DNAH5: variants seen among roughly 807,000 people sequenced by gnomAD.
DNAH5 encodes the protein axonemal beta dynein heavy chain 5.
Under a neutral mutation model 518.2 loss-of-function variants are expected in DNAH5, and 372 were observed. That is an observed-to-expected ratio of 0.72 (90% CI 0.66 to 0.78). The LOEUF (loss-of-function observed/expected upper bound fraction) is 0.78, where lower values mean the gene tolerates loss of function less well. DNAH5 is among the 30% of genes least tolerant of loss of function. The pLI, the probability that DNAH5 is intolerant of heterozygous loss-of-function variation, is 0.00. For missense variants in DNAH5, 5,523 were observed against 5,687.0 expected, an observed-to-expected ratio of 0.97 and a Z score of 0.93; for synonymous variants, 2,039 against 2,025.9, an observed-to-expected ratio of 1.01 and a Z score of -0.17.
intron 24 of DNAH5, among the ~76,000 whole-genome samples, chr5:13,869,238 G>A (rs1343899548): frequency 1.3e-5 from 2 of 152,052 alleles, no homozygotes; most frequent in African/African-American, 4.8e-5. Context: ...GAAAATGGGA[G>A]AATAGAGTCT....
chr5:13,965,176 C>T (rs115059393), intron 1 of DNAH5, among the ~76,000 whole-genome samples: 2,757 of 152,182 alleles, frequency 0.018, 79 homozygotes, highest in African/African-American at 0.061. Flanking sequence ...GAATGAGCCC[C>T]TCAAGTGTTT....
At chr5:13,772,249 G>A (rs1021014541) in intron 55 of DNAH5, among the ~76,000 whole-genome samples, 2 of 152,210 alleles carry the variant, frequency 1.3e-5, no homozygotes, top group Non-Finnish European at 2.9e-5. Flanking sequence ...TCTCGGGGAA[G>A]TGCCCGCTTT....
intron 51 of DNAH5, among the ~76,000 whole-genome samples, chr5:13,786,583 T>C (rs911863411): frequency 8.5e-5 from 13 of 152,194 alleles, no homozygotes; most frequent in Admixed American, 8.5e-4. Context: ...TTTCAAATAA[T>C]ATTATCGTCA....
chr5:13,699,538 G>T (rs1394942392), intron 78 of DNAH5, among the ~76,000 whole-genome samples: 1 of 152,096 alleles, frequency 6.6e-6, no homozygotes. Flanking sequence ...ACATGGTGAA[G>T]CCCTGTCTCT....
chr5:13,769,430 T>C lies in DNAH5; in HGVS notation c.9720+71A>G, dbSNP rs866153879. 106 of 1,204,250 alleles carry C rather than the reference T, an allele frequency of 8.8e-5. No homozygotes were observed. The Middle Eastern group carries it at 1.1e-3, about 13-fold the overall frequency. 74.6% of individuals were successfully genotyped at this position (1,204,250 alleles called of 1,614,324 possible). ...CTTCACTAGTTATAGCCAGTGAATA[T>C]GCATAGATCATTAACACTTGTGAAC... On this transcript the variant is annotated intron_variant, in intron 57 of 78. Transcript: ENST00000265104.
chr5:13,874,241 C>G (rs1770546999), intron 22 of DNAH5, among the ~76,000 whole-genome samples: 5 of 152,280 alleles, frequency 3.3e-5, no homozygotes, highest in Admixed American at 3.3e-4. Flanking sequence ...GAATTAATTA[C>G]AGATTATTGA....
chr5:13,817,726 T>C (rs1234202277), intron 41 of DNAH5, 32 bp from the exon 42 acceptor site: 3 of 1,611,094 alleles, frequency 1.9e-6, no homozygotes, highest in Non-Finnish European at 2.5e-6. Context: ...TTTAGACATC[T>C]CAGATGGGAA....
chr5:13,826,077 A>G (rs1250111459), intron 38 of DNAH5, among the ~76,000 whole-genome samples: 1 of 152,252 alleles, frequency 6.6e-6, no homozygotes, highest in African/African-American at 2.4e-5. Flanking sequence ...ATGACTTAAA[A>G]GTGTTGGTGA....
chr5:13,791,875 C>T (rs935385962), intron 50 of DNAH5, 119 bp downstream of exon 50: 3 of 808,822 alleles, frequency 3.7e-6, no homozygotes, highest in African/African-American at 1.7e-5. Context: ...TAAAGAATAC[C>T]CATGCTGAAA....
chr5:13,814,896 G>GC (rs1561333892), intron 42 of DNAH5, 50 bp from the exon 43 acceptor site: 2 of 1,573,896 alleles, frequency 1.3e-6, no homozygotes, highest in South Asian at 2.2e-5. Flanking sequence ...CTCATGCAGT[G>GC]CATGTACACA....
At position 13,913,724 on chromosome 5, in the gene DNAH5, T is replaced by C; in HGVS notation, c.1536+19A>G. ...TAGTTGTGGATTATGTTATAAAATA[T>C]AGCTTTAAAGTACAATACCTGGTAT... On this transcript the variant is annotated intron_variant, in intron 11 of 78. Transcript: ENST00000265104. The C allele has an allele frequency of 6.2e-7, 1 of 1,612,634 alleles. No individual in the cohort carries two copies. Among genetic ancestry groups the C allele is most frequent in the Non-Finnish European group, 8.5e-7 (1 of 1,179,022 alleles).
At chr5:13,820,565 C>T (rs1762087677) in intron 40 of DNAH5, 66 bp from the exon 41 acceptor site, 2 of 1,587,354 alleles carry the variant, frequency 1.3e-6, no homozygotes, top group East Asian at 2.2e-5. Context: ...TGGCTCACGC[C>T]TGTAATCCCA....
intron 14 of DNAH5, 43 bp from the exon 15 acceptor site, chr5:13,900,455 T>C: frequency 6.8e-7 from 1 of 1,480,500 alleles, no homozygotes; most frequent in Non-Finnish European, 9.4e-7. Context: ...AAAGTTCAAT[T>C]CATGCAGAGT....
intron 31 of DNAH5, among the ~76,000 whole-genome samples, chr5:13,846,632 G>C (rs1766046559): frequency 6.6e-6 from 1 of 152,172 alleles, no homozygotes; most frequent in African/African-American, 2.4e-5. Flanking sequence ...GAGATACAAA[G>C]AGAGGGTCAT....
intron 1 of DNAH5, among the ~76,000 whole-genome samples, chr5:13,935,501 A>C (rs534520374): frequency 6.6e-6 from 1 of 152,286 alleles, no homozygotes; most frequent in African/African-American, 2.4e-5. Context: ...ACTTGAATAT[A>C]TTTTCTTATG....
rs748910545 is a variant in DNAH5, at chr5:13,751,224, C to A, written c.11065G>T (p.Gly3689Cys). 1 of 1,613,812 alleles carries A rather than the reference C, an allele frequency of 6.2e-7. No individual in the cohort carries two copies. The highest frequency in any genetic ancestry group is 1.1e-5 in the South Asian group (1 of 91,064). ...VGDKEVDVLDGFRLYITTKLP... is the reference protein window; with the variant it reads ...VGDKEVDVLDCFRLYITTKLP... ...TTGGTGGTAATGTAGAGTCTAAAGCCATCCAACACATCTACTTCCTTGTCA... is the reference window on the plus strand; with the variant it reads ...TTGGTGGTAATGTAGAGTCTAAAGCAATCCAACACATCTACTTCCTTGTCA... Residue 3689 changes from glycine (G) to cysteine (C), a missense_variant, in exon 65 of 79, where the codon GGC becomes TGC. Gly to Cys is a radical substitution (Grantham distance 159). Around this residue, in one of 3 missense-constraint regions of DNAH5, gnomAD observed 5,121 missense variants for 5,223.3 expected, o/e 0.98. Transcript: ENST00000265104.
chr5:13,941,327 C>T (rs1779440480), intron 1 of DNAH5, among the ~76,000 whole-genome samples: 1 of 152,144 alleles, frequency 6.6e-6, no homozygotes, highest in Non-Finnish European at 1.5e-5. Context: ...CACTGCAGTC[C>T]AGCCAGGGTA....
At chr5:13,744,019 C>T (rs779871298) in intron 65 of DNAH5, among the ~76,000 whole-genome samples, 28 of 151,950 alleles carry the variant, frequency 1.8e-4, no homozygotes, top group Non-Finnish European at 3.7e-4. Flanking sequence ...GTATCGAAGG[C>T]ATGTCTGCAT....
chr5:13,906,401 G>T (rs1775301828), intron 12 of DNAH5, among the ~76,000 whole-genome samples: 1 of 152,098 alleles, frequency 6.6e-6, no homozygotes, highest in Admixed American at 6.6e-5. Context: ...TCTCAATTTT[G>T]CTGTGAATCT....
Sources: allele counts gnomAD v4.1 joint callset (sites outside exome capture counted in the v4.1 genomes callset), GRCh38; gene constraint gnomAD v4.1.1; regional missense constraint gnomAD v4.1.1; transcripts MANE v1.5; gene names NCBI Gene and HGNC (gene_info 2026-07-23, HGNC 2026-07-21).